CNTNAP2: variants seen among roughly 807,000 people sequenced by gnomAD.
CNTNAP2 encodes the protein contactin associated protein 2, also known as contactin-associated protein-like 2.
Under a neutral mutation model 155.2 loss-of-function variants are expected in CNTNAP2, and 98 were observed. The observed-to-expected ratio is 0.63, with a 90% CI of 0.54 to 0.75. CNTNAP2 has a LOEUF of 0.75. CNTNAP2 is among the 30% of genes least tolerant of loss of function. The probability of loss-of-function intolerance (pLI) is 0.00; values close to 1 mark genes in which losing one functional copy is unlikely to be tolerated. For synonymous variants in CNTNAP2, 651 were observed against 631.2 expected, an observed-to-expected ratio of 1.03 and a Z score of -0.47; for missense variants, 1,727 against 1,688.1, an observed-to-expected ratio of 1.02 and a Z score of -0.40.
intron 15 of CNTNAP2, among the ~76,000 whole-genome samples, chr7:148,058,962 A>T (rs1470098915): frequency 6.6e-6 from 1 of 151,970 alleles, no homozygotes; most frequent in African/African-American, 2.4e-5. Flanking sequence ...TTCGAGTTAC[A>T]TGGGTGTGTC....
intron 8 of CNTNAP2, among the ~76,000 whole-genome samples, chr7:147,192,614 C>G (rs1186074316): frequency 6.6e-6 from 1 of 151,956 alleles, no homozygotes; most frequent in African/African-American, 2.4e-5. Flanking sequence ...TATATTCTAT[C>G]TTAAAGAGAA....
At chr7:147,038,417 T>A (rs1201222498) in intron 3 of CNTNAP2, among the ~76,000 whole-genome samples, 1 of 152,194 alleles carries the variant, frequency 6.6e-6, no homozygotes, top group Non-Finnish European at 1.5e-5. Flanking sequence ...TTTCAGTTGC[T>A]CAGAAACAAA....
chr7:148,222,176 C>A (rs1397424252), intron 19 of CNTNAP2, among the ~76,000 whole-genome samples: 1 of 152,224 alleles, frequency 6.6e-6, no homozygotes, highest in Middle Eastern at 3.2e-3. Flanking sequence ...TCCCCCTCAC[C>A]CTTTTTCACC....
At chr7:146,964,711 ACT>A (rs1366065488) in intron 3 of CNTNAP2, among the ~76,000 whole-genome samples, 2 of 152,064 alleles carry the variant, frequency 1.3e-5, no homozygotes, top group Admixed American at 6.6e-5. Flanking sequence ...GGGTTCACAA[ACT>A]CTTTCTGCAA....
chr7:147,002,731 C>A lies in CNTNAP2; in HGVS notation c.403-41176C>A, dbSNP rs548345346. On this transcript the variant is annotated intron_variant, in intron 3 of 23. Coordinates refer to ENST00000361727, the MANE Select transcript of CNTNAP2 (RefSeq NM_014141.6). ...CTTGCTTTCTGGCTGATAGATGGTGCCTTCTAGCTGTGTCCTTACATGTGG... is the reference window on the plus strand; with the variant it reads ...CTTGCTTTCTGGCTGATAGATGGTGACTTCTAGCTGTGTCCTTACATGTGG... Among the ~76,000 whole-genome samples the A allele has an allele frequency of 2.1e-3, 315 of 151,860 alleles. 2 individuals are homozygous for A. The highest frequency in any genetic ancestry group is 7.0e-3 in the African/African-American group (288 of 41,426).
At chr7:147,364,033 T>A (rs905166984) in intron 9 of CNTNAP2, among the ~76,000 whole-genome samples, 1 of 152,204 alleles carries the variant, frequency 6.6e-6, no homozygotes, top group Admixed American at 6.5e-5. Context: ...TACATGCTTG[T>A]AGAAAAGAAA....
intron 1 of CNTNAP2, among the ~76,000 whole-genome samples, chr7:146,457,481 A>AATAT (rs200909725): frequency 1.0e-4 from 9 of 87,266 alleles, no homozygotes; most frequent in African/African-American, 2.1e-4. Flanking sequence ...TTCAAAAATG[A>AATAT]ATATATATAT....
At chr7:147,643,752 TAAGAGCTTTACGCTC>T (rs1383017659) in intron 13 of CNTNAP2, among the ~76,000 whole-genome samples, 1 of 152,224 alleles carries the variant, frequency 6.6e-6, no homozygotes, top group Non-Finnish European at 1.5e-5. Context: ...TTTTTTATTT[TAAGAGCTTTACGCTC>T]AAGAGTTCAT....
intron 13 of CNTNAP2, among the ~76,000 whole-genome samples, chr7:147,870,411 C>T (rs1799306543): frequency 6.6e-6 from 1 of 152,102 alleles, no homozygotes; most frequent in African/African-American, 2.4e-5. Context: ...AGTATCTCTC[C>T]CTGCTCAGCA....
chr7:146,602,998 C>A (rs1798974736), intron 1 of CNTNAP2, among the ~76,000 whole-genome samples: 1 of 151,432 alleles, frequency 6.6e-6, no homozygotes. Context: ...TGGCAAGATA[C>A]AATTAGAGTG....
chr7:146,560,740 C>G (rs1798268131), intron 1 of CNTNAP2, among the ~76,000 whole-genome samples: 1 of 152,082 alleles, frequency 6.6e-6, no homozygotes, highest in Non-Finnish European at 1.5e-5. Flanking sequence ...TTCCCTTTGT[C>G]TTTTTCTAAC....
intron 16 of CNTNAP2, among the ~76,000 whole-genome samples, chr7:148,138,701 T>TAACC (rs912439353): frequency 1.3e-5 from 2 of 152,120 alleles, no homozygotes; most frequent in African/African-American, 4.8e-5. Flanking sequence ...ATCCCCAGAG[T>TAACC]AACCATCTGG....
At chr7:146,912,865 A>C (rs1796313592) in intron 3 of CNTNAP2, among the ~76,000 whole-genome samples, 1 of 152,084 alleles carries the variant, frequency 6.6e-6, no homozygotes. Flanking sequence ...TATTCTCTTA[A>C]TCATTTTAAC....
At chr7:146,474,991 G>A (rs1383816278) in intron 1 of CNTNAP2, among the ~76,000 whole-genome samples, 1 of 140,004 alleles carries the variant, frequency 7.1e-6, no homozygotes, top group Non-Finnish European at 1.5e-5. Flanking sequence ...GCCTGAGCAC[G>A]AGCGCGCACG....
chr7:146,129,867 A>G (rs1375810574), intron 1 of CNTNAP2, among the ~76,000 whole-genome samples: 2 of 152,200 alleles, frequency 1.3e-5, no homozygotes, highest in Non-Finnish European at 2.9e-5. Flanking sequence ...AATCATTCCA[A>G]TTAGTCCACA....
At chr7:147,360,394 A>G (rs1401243148) in intron 9 of CNTNAP2, among the ~76,000 whole-genome samples, 1 of 152,110 alleles carries the variant, frequency 6.6e-6, no homozygotes, top group East Asian at 1.9e-4. Flanking sequence ...CCTGTGATTC[A>G]TATATTTGAA....
intron 11 of CNTNAP2, among the ~76,000 whole-genome samples, chr7:147,510,862 TATATATATAATGCTTCCTC>T (rs1442802336): frequency 7.1e-6 from 1 of 141,748 alleles, no homozygotes; most frequent in African/African-American, 2.7e-5. Context: ...TATATATATA[TATATATATAATGCTTCCTC>T]ATATATATAT....
chr7:147,118,549 GTTCTGAGAAA>G lies in CNTNAP2; in HGVS notation c.755-2424_755-2415del, dbSNP rs1310773377. 2.0e-5 allele frequency among the ~76,000 whole-genome samples: 3 copies of G among 151,338 alleles called. No homozygotes were observed. The East Asian group carries it at 5.8e-4, about 29-fold the overall frequency. On this transcript the variant is annotated intron_variant, in intron 5 of 23. Transcript: ENST00000361727. ...ATGTGTCACTTTAAAATGGGGATGC[GTTCTGAGAAA>G]TTCTGTGTGAGTTTCAACACTTTGT...
chr7:147,099,046 G>C (rs115804944), intron 4 of CNTNAP2, among the ~76,000 whole-genome samples: 1 of 152,096 alleles, frequency 6.6e-6, no homozygotes, highest in Non-Finnish European at 1.5e-5. Context: ...AGGGGATGAG[G>C]GAACTGTGGG....
Sources: gnomAD v4.1 joint callset for allele counts (sites outside exome capture counted in the v4.1 genomes callset) on GRCh38, gnomAD v4.1.1 for gene constraint, MANE v1.5 for transcripts, NCBI Gene and HGNC (gene_info 2026-07-23, HGNC 2026-07-21) for gene names.